MAGI2: variants seen among roughly 807,000 people sequenced by gnomAD.
MAGI2 encodes the protein membrane associated guanylate kinase, WW and PDZ domain containing 2, also known as membrane-associated guanylate kinase, WW and PDZ domain-containing protein 2.
A neutral mutation model predicts 133.3 loss-of-function variants in MAGI2; 35 were observed. The observed-to-expected ratio is 0.26, with a 90% CI of 0.20 to 0.35. The LOEUF is 0.35. Among genes scored for constraint, MAGI2 ranks in the 10% least tolerant of loss-of-function variants. The pLI, the probability that MAGI2 is intolerant of heterozygous loss-of-function variation, is 1.00. For synonymous variants in MAGI2, 729 were observed against 710.6 expected (o/e 1.03, Z -0.41); for missense variants, 1,636 against 1,863.4 (o/e 0.88, Z 2.25).
intron 21 of MAGI2, among the ~76,000 whole-genome samples, chr7:78,076,168 G>A (rs551026940): frequency 3.3e-4 from 50 of 152,176 alleles, no homozygotes; most frequent in Middle Eastern, 3.4e-3. Flanking sequence ...ACTCAAAAGC[G>A]TGCCCAGGCT....
intron 2 of MAGI2, among the ~76,000 whole-genome samples, chr7:78,889,476 G>A (rs537034775): frequency 6.6e-6 from 1 of 152,308 alleles, no homozygotes; most frequent in East Asian, 1.9e-4. Flanking sequence ...GGCAGCCAGA[G>A]AGAAAGGTCG....
intron 13 of MAGI2, among the ~76,000 whole-genome samples, chr7:78,183,754 A>G (rs1307432803): frequency 6.6e-6 from 1 of 151,912 alleles, no homozygotes; most frequent in East Asian, 1.9e-4. Context: ...TTTTGTAGAG[A>G]TGGAGGTCTT....
chr7:79,090,750 C>T (rs1816972507), intron 1 of MAGI2, among the ~76,000 whole-genome samples: 1 of 152,162 alleles, frequency 6.6e-6, no homozygotes, highest in Admixed American at 6.6e-5. Flanking sequence ...GAAATAAAAA[C>T]TTTCTTCTTT....
At chr7:78,973,185 T>C (rs1006848601) in intron 2 of MAGI2, among the ~76,000 whole-genome samples, 2 of 151,932 alleles carry the variant, frequency 1.3e-5, no homozygotes, top group Non-Finnish European at 2.9e-5. Flanking sequence ...AAATATAATC[T>C]GTACAGAAGC....
intron 3 of MAGI2, 135 bp downstream of exon 3, chr7:78,626,985 A>G: frequency 1.4e-6 from 1 of 690,942 alleles, no homozygotes; most frequent in South Asian, 6.0e-5. Flanking sequence ...TTTTTAGGAT[A>G]CATTTCTAAA....
intron 2 of MAGI2, among the ~76,000 whole-genome samples, chr7:78,661,447 G>A (rs1812948888): frequency 6.6e-6 from 1 of 152,158 alleles, no homozygotes; most frequent in Admixed American, 6.6e-5. Context: ...ATAGAAGTCA[G>A]CAGCTCTTAA....
chr7:78,576,136 C>CAGA (rs55935191), intron 3 of MAGI2, among the ~76,000 whole-genome samples: 3 of 151,212 alleles, frequency 2.0e-5, no homozygotes, highest in Admixed American at 6.6e-5. Context: ...TCTGTAAATT[C>CAGA]AGGGCTTTAT....
chr7:78,573,329 T>A (rs1415252145), intron 3 of MAGI2, among the ~76,000 whole-genome samples: 1 of 73,148 alleles, frequency 1.4e-5, no homozygotes, highest in Non-Finnish European at 2.3e-5. Context: ...TAAATATATA[T>A]ATAAATATAT....
intron 6 of MAGI2, among the ~76,000 whole-genome samples, chr7:78,426,214 G>T (rs1158710737): frequency 6.6e-6 from 1 of 152,110 alleles, no homozygotes; most frequent in Non-Finnish European, 1.5e-5. Flanking sequence ...GCATTAGGTT[G>T]AAGATAGAAT....
At chr7:79,095,628 T>C (rs1817451559) in intron 1 of MAGI2, among the ~76,000 whole-genome samples, 1 of 152,128 alleles carries the variant, frequency 6.6e-6, no homozygotes, top group African/African-American at 2.4e-5. Context: ...AAGAGTGAGA[T>C]AAAGATGGAG....
intron 1 of MAGI2, among the ~76,000 whole-genome samples, chr7:79,127,019 C>T (rs1352608824): frequency 7.2e-6 from 1 of 139,528 alleles, no homozygotes; most frequent in Non-Finnish European, 1.5e-5. Context: ...TCTCATTGTT[C>T]AATTCCCACC....
chr7:78,946,244 G>T (rs1309624521), intron 2 of MAGI2, among the ~76,000 whole-genome samples: 1 of 152,026 alleles, frequency 6.6e-6, no homozygotes, highest in East Asian at 1.9e-4. Flanking sequence ...CAGTCTTCAG[G>T]CTTTAAGTAA....
chr7:78,207,802 G>A (rs1787255846), intron 10 of MAGI2, among the ~76,000 whole-genome samples: 1 of 152,176 alleles, frequency 6.6e-6, no homozygotes, highest in African/African-American at 2.4e-5. Flanking sequence ...TGTTAGCCAA[G>A]CAATACGTTC....
chr7:78,393,296 T>A lies in MAGI2; in HGVS notation c.1046-24083A>T, dbSNP rs572986767. On this transcript the variant is annotated intron_variant, in intron 6 of 21. Coordinates refer to ENST00000354212, the MANE Select transcript of MAGI2 (RefSeq NM_012301.4). ...GGCAATCAGACACAACCAGATGGGA[T>A]TTTGAATCTGGAGCTAGTGATGCAA... Among the ~76,000 whole-genome samples, 15 of 152,228 alleles carry A rather than the reference T, an allele frequency of 9.9e-5. 2 individuals are homozygous for A. In the South Asian group the frequency reaches 3.1e-3, roughly 32 times the overall value.
At position 79,123,085 on chromosome 7, in the gene MAGI2, C is replaced by A. The variant is rs964354145; in HGVS notation, c.302-115879G>T. ...CAACCAAACAAAACTTACCTATTTG[C>A]TCCTAAAGAATTTGTGGAATGCTAC... On this transcript the variant is annotated intron_variant, in intron 1 of 21. Coordinates refer to ENST00000354212, the MANE Select transcript of MAGI2 (RefSeq NM_012301.4). Among the ~76,000 whole-genome samples, 9 of 152,292 alleles carry A rather than the reference C, an allele frequency of 5.9e-5. No homozygotes were observed. The East Asian group carries it at 1.7e-3, about 29-fold the overall frequency.
intron 3 of MAGI2, among the ~76,000 whole-genome samples, chr7:78,589,333 G>A (rs1803751395): frequency 6.6e-6 from 1 of 152,128 alleles, no homozygotes; most frequent in Non-Finnish European, 1.5e-5. Flanking sequence ...TCAATATCTT[G>A]CAGATAAACT....
chr7:79,365,970 C>T (rs1401498846), intron 1 of MAGI2, among the ~76,000 whole-genome samples: 1 of 147,232 alleles, frequency 6.8e-6, no homozygotes, highest in Non-Finnish European at 1.5e-5. Context: ...AAAGTTGGTG[C>T]GATGGCTCAG....
chr7:79,297,261 G>A (rs1156381370), intron 1 of MAGI2, among the ~76,000 whole-genome samples: 1 of 152,164 alleles, frequency 6.6e-6, no homozygotes, highest in Non-Finnish European at 1.5e-5. Context: ...TTTTCAAATT[G>A]ATAAACTATG....
intron 1 of MAGI2, among the ~76,000 whole-genome samples, chr7:79,433,902 T>C (rs1300695281): frequency 6.6e-6 from 1 of 152,186 alleles, no homozygotes; most frequent in Non-Finnish European, 1.5e-5. Context: ...AAAATGTATA[T>C]TGTGATTTTC....
Sources: gnomAD v4.1 joint callset for allele counts (sites outside exome capture counted in the v4.1 genomes callset) on GRCh38, gnomAD v4.1.1 for gene constraint, MANE v1.5 for transcripts, NCBI Gene and HGNC (gene_info 2026-07-23, HGNC 2026-07-21) for gene names.